The following SENP5 variants were observed in gnomAD, a reference collection of about 807,000 sequenced individuals.
The protein encoded by SENP5 is SUMO specific peptidase 5.
Under a neutral mutation model 74.2 loss-of-function variants are expected in SENP5, and 21 were observed. The ratio of observed to expected loss-of-function variants is 0.28; its 90% confidence interval spans 0.20 to 0.41. SENP5 has a LOEUF of 0.41. SENP5 is among the 10% of genes least tolerant of loss of function. The pLI is 1.00. For synonymous variants in SENP5, 311 were observed against 312.7 expected (o/e 0.99, Z 0.06); for missense variants, 717 against 889.1 (o/e 0.81, Z 2.46).
intron 2 of SENP5, among the ~76,000 whole-genome samples, chr3:196,895,543 G>T (rs1367332929): frequency 2.0e-5 from 3 of 151,640 alleles, no homozygotes; most frequent in African/African-American, 7.3e-5. Context: ...TATTTTTGAG[G>T]CAGGGTCTCG....
intron 6 of SENP5, chr3:196,914,398 C>T (rs1577836824): frequency 1.3e-5 from 2 of 150,938 alleles, no homozygotes; most frequent in African/African-American, 4.9e-5. Flanking sequence ...TAGGAGAAAA[C>T]ATCTAAAGTA....
Position 196,899,992 on chromosome 3 carries a change from T to C in SENP5, c.1688T>C (p.Phe563Ser). 1.2e-6 allele frequency: 2 copies of C among 1,614,154 alleles called. No individual in the cohort carries two copies. Among genetic ancestry groups the C allele is most frequent in the Non-Finnish European group, 1.7e-6 (2 of 1,180,020 alleles). ...CATCAAAAATGTAACTTCCGTATCT[T>C]CTATAATAAACACATGCTGGATATG... The part of the protein sequence containing the change: ...ARHQKCNFRI[F>S]YNKHMLDMDD... The change falls in exon 4 of 10, where the codon TTC (phenylalanine) becomes TCC (serine). Residue 563 changes from phenylalanine (F) to serine (S), a missense_variant. This residue lies in a region of SENP5 where 64 missense variants were observed against 100.8 expected (regional missense o/e 0.64). Coordinates refer to ENST00000323460, the MANE Select transcript of SENP5 (RefSeq NM_152699.5).
intron 1 of SENP5, 120 bp from the exon 2 acceptor site, chr3:196,885,031 T>C (rs1713891476): frequency 1.6e-6 from 1 of 610,654 alleles, no homozygotes; most frequent in African/African-American, 1.9e-5. Context: ...TTGTGTCCAA[T>C]AGTCTAAATT....
intron 1 of SENP5, among the ~76,000 whole-genome samples, chr3:196,872,733 C>G (rs1023942787): frequency 2.6e-5 from 4 of 152,188 alleles, no homozygotes; most frequent in Non-Finnish European, 5.9e-5. Flanking sequence ...AGGTTTAGTT[C>G]CTCACTTGCA....
intron 2 of SENP5, among the ~76,000 whole-genome samples, chr3:196,888,115 G>A (rs553594674): frequency 1.9e-4 from 29 of 152,220 alleles, no homozygotes; most frequent in African/African-American, 6.7e-4. Context: ...TAGTTTTTAC[G>A]TCATGCTTTA....
At chr3:196,914,586 A>AAAAAAAAAAAAATATAT in intron 6 of SENP5, 25 of 33,482 alleles carry the variant, frequency 7.5e-4, no homozygotes, top group East Asian at 1.6e-3. Context: ...AAAAAAAAAA[A>AAAAAAAAAAAAATATAT]ATATATATAT....
intron 1 of SENP5, among the ~76,000 whole-genome samples, chr3:196,884,634 C>T (rs1713868804): frequency 6.6e-6 from 1 of 150,908 alleles, no homozygotes; most frequent in Non-Finnish European, 1.5e-5. Context: ...TCAGTTCCCT[C>T]TCCAAATCAC....
At chr3:196,891,559 A>T (rs1333636688) in intron 2 of SENP5, among the ~76,000 whole-genome samples, 3 of 152,164 alleles carry the variant, frequency 2.0e-5, no homozygotes, top group African/African-American at 7.2e-5. Flanking sequence ...TGAGGGCAGG[A>T]GTTTGAGACC....
chr3:196,918,195 T>C (rs1715463030), intron 6 of SENP5, among the ~76,000 whole-genome samples: 1 of 151,314 alleles, frequency 6.6e-6, no homozygotes, highest in South Asian at 2.1e-4. Context: ...TAGTCCCAGC[T>C]ACTCGGGAGG....
intron 1 of SENP5, among the ~76,000 whole-genome samples, chr3:196,875,849 C>T (rs1445147498): frequency 6.6e-6 from 1 of 152,026 alleles, no homozygotes; most frequent in African/African-American, 2.4e-5. Flanking sequence ...TCCACCTCAC[C>T]CTCCTGAGTA....
intron 6 of SENP5, among the ~76,000 whole-genome samples, chr3:196,911,127 C>T (rs1274081128): frequency 6.6e-6 from 1 of 152,152 alleles, no homozygotes; most frequent in African/African-American, 2.4e-5. Flanking sequence ...TAGAAGAAAA[C>T]CTAGGCAGTA....
intron 6 of SENP5, among the ~76,000 whole-genome samples, chr3:196,908,013 C>T (rs1008958584): frequency 6.6e-6 from 1 of 152,084 alleles, no homozygotes; most frequent in African/African-American, 2.4e-5. Flanking sequence ...CTCACATCTG[C>T]AGTCTGAACA....
At chr3:196,875,191 C>G (rs530702511) in intron 1 of SENP5, among the ~76,000 whole-genome samples, 36 of 152,334 alleles carry the variant, frequency 2.4e-4, no homozygotes, top group Admixed American at 2.0e-3. Context: ...TACCTAGTAG[C>G]TGATACTGGA....
chr3:196,914,586 A>AAAAAAAAAAAAAT, intron 6 of SENP5: 1 of 33,510 alleles, frequency 3.0e-5, no homozygotes, highest in Non-Finnish European at 5.1e-5. Flanking sequence ...AAAAAAAAAA[A>AAAAAAAAAAAAAT]ATATATATAT....
In SENP5 at chr3:196,900,171, A is replaced by T; in HGVS notation, c.1758+109A>T. On this transcript the variant is annotated intron_variant, in intron 4 of 9. Coordinates refer to ENST00000323460, the MANE Select transcript of SENP5 (RefSeq NM_152699.5). ...TTGTCTTTTGGAATAAGGATTCTTC[A>T]TTCTTTACTGGTTACTTGCCCCAGG... The T allele has an allele frequency of 2.2e-6, 3 of 1,392,066 alleles. No individual in the cohort carries two copies. In the Admixed American group the frequency reaches 7.1e-5, roughly 33 times the overall value. 86.2% of individuals were successfully genotyped at this position (1,392,066 alleles called of 1,614,324 possible).
chr3:196,910,472 G>A (rs1251776097), intron 6 of SENP5, among the ~76,000 whole-genome samples: 6 of 145,248 alleles, frequency 4.1e-5, no homozygotes, highest in Non-Finnish European at 4.5e-5. Context: ...TCAGCCTCCC[G>A]AGTAGGTGGG....
intron 6 of SENP5, among the ~76,000 whole-genome samples, chr3:196,916,672 C>A (rs1442161404): frequency 6.6e-6 from 1 of 151,766 alleles, no homozygotes; most frequent in Non-Finnish European, 1.5e-5. Context: ...GGATTACAGG[C>A]ATGTGCCACT....
At chr3:196,930,476 C>G (rs1032031274) in intron 9 of SENP5, among the ~76,000 whole-genome samples, 6 of 152,170 alleles carry the variant, frequency 3.9e-5, no homozygotes, top group African/African-American at 1.2e-4. Flanking sequence ...GAAAATGCTG[C>G]CTTAGATCGG....
chr3:196,930,025 A>G (rs1181923385), intron 9 of SENP5, among the ~76,000 whole-genome samples: 1 of 151,896 alleles, frequency 6.6e-6, no homozygotes, highest in Non-Finnish European at 1.5e-5. Flanking sequence ...AGCAATCTGC[A>G]GGTCTTTGAC....
Sources: gnomAD v4.1 joint callset for allele counts (sites outside exome capture counted in the v4.1 genomes callset) on GRCh38, gnomAD v4.1.1 for gene constraint, gnomAD v4.1.1 regional missense constraint, MANE v1.5 for transcripts, NCBI Gene and HGNC (gene_info 2026-07-23, HGNC 2026-07-21) for gene names.